LBHD1: variants seen among roughly 807,000 people sequenced by gnomAD.
LBHD1 encodes the protein LBH domain containing 1.
LBHD1 carries 28 observed loss-of-function variants against 31.1 expected under a neutral mutation model. That is an observed-to-expected ratio of 0.90 (90% CI 0.67 to 1.24). LBHD1 has a LOEUF of 1.24. Ranked by LOEUF, LBHD1 falls within the 50% of genes most tolerant of loss-of-function variation. The pLI is 0.00. For synonymous variants in LBHD1, 105 were observed against 116.5 expected (o/e 0.90, Z 0.63); for missense variants, 350 against 323.0 (o/e 1.08, Z -0.64).
chr11:62,665,534 C>A, intron 4 of LBHD1: 2 of 1,569,748 alleles, frequency 1.3e-6, no homozygotes, highest in Non-Finnish European at 1.7e-6. Flanking sequence ...TGGCGGCTTC[C>A]CATCCGCTGG....
At chr11:62,665,916 C>T in intron 4 of LBHD1, 3 of 1,613,252 alleles carry the variant, frequency 1.9e-6, no homozygotes, top group Non-Finnish European at 2.5e-6. Flanking sequence ...CTTGCCGAGC[C>T]TGATGATGGG....
intron 3 of LBHD1, 24 bp downstream of exon 3, chr11:62,669,617 C>G (rs772905672): frequency 1.2e-6 from 2 of 1,600,596 alleles, no homozygotes; most frequent in African/African-American, 2.7e-5. Context: ...CACAGTGGCC[C>G]CCTGAATGAG....
chr11:62,671,735 T>C lies in LBHD1; in HGVS notation c.-182A>G. ...GCTCCCGTGGGCGCTCCGCTGGCTGTGCAGGCGGCCATGGATTCCTTGCGG... is the reference window on the plus strand; with the variant it reads ...GCTCCCGTGGGCGCTCCGCTGGCTGCGCAGGCGGCCATGGATTCCTTGCGG... On this transcript the variant is annotated 5_prime_UTR_variant, in exon 1 of 7. Coordinates refer to ENST00000354588, the MANE Select transcript of LBHD1 (RefSeq NM_024099.5). The C allele has an allele frequency of 6.2e-7, 1 of 1,612,896 alleles. No individual in the cohort carries two copies. Among genetic ancestry groups the C allele is most frequent in the Non-Finnish European group, 8.5e-7 (1 of 1,179,554 alleles).
chr11:62,666,001 T>C (rs546733362), intron 4 of LBHD1: 3 of 1,556,678 alleles, frequency 1.9e-6, no homozygotes, highest in Admixed American at 3.4e-5. Flanking sequence ...GTGGGGAGGG[T>C]AAGGTGGGTT....
intron 5 of LBHD1, 52 bp from the exon 6 acceptor site, chr11:62,663,385 G>A (rs1346414248): frequency 1.3e-6 from 2 of 1,559,698 alleles, no homozygotes; most frequent in Non-Finnish European, 1.8e-6. Flanking sequence ...ACCAACTGAG[G>A]TCACACAAAT....
At chr11:62,666,575 G>T in intron 4 of LBHD1, 2 of 1,614,174 alleles carry the variant, frequency 1.2e-6, no homozygotes, top group Non-Finnish European at 1.7e-6. Context: ...GCTGGATGTG[G>T]GCTGTGGGAC....
Position 62,665,834 on chromosome 11 carries a change from G to A in LBHD1, c.539-861C>T, listed in dbSNP as rs576853975. The A allele has an allele frequency of 1.2e-5, 20 of 1,603,092 alleles. No homozygotes were observed. The South Asian group carries it at 1.8e-4, about 14-fold the overall frequency. Reference sequence around the variant, plus strand: ...AGGCCTCTCCGGCTGGAGTAGGGTGGACGCTTCACATAAGCTTCTCTGGTC... The same window carrying A: ...AGGCCTCTCCGGCTGGAGTAGGGTGAACGCTTCACATAAGCTTCTCTGGTC... On this transcript the variant is annotated intron_variant, in intron 4 of 6. Transcript: ENST00000354588.
In LBHD1 at chr11:62,670,953, G is replaced by A. The variant is rs182195089; in HGVS notation, c.-11+611C>T. 1.3e-4 allele frequency: 25 copies of A among 193,852 alleles called. No individual in the cohort carries two copies. In the East Asian group the frequency reaches 3.4e-3, roughly 26 times the overall value. 12.0% of individuals were successfully genotyped at this position (193,852 alleles called of 1,614,324 possible). On this transcript the variant is annotated intron_variant, in intron 1 of 6. Transcript: ENST00000354588. ...CGAAGCAAAACAAAAAGCAATACCA[G>A]CCGGGCGTGGTGGTGCACGCCTGTA... is the stretch of plus-strand genomic sequence containing the variant.
chr11:62,672,006 G>A lies in LBHD1; in HGVS notation c.-453C>T. 1 of 1,613,736 alleles carries A rather than the reference G, an allele frequency of 6.2e-7. No individual in the cohort carries two copies. The highest frequency in any genetic ancestry group is 8.5e-7 in the Non-Finnish European group (1 of 1,179,920). On this transcript the variant is annotated 5_prime_UTR_variant, in exon 1 of 7. Coordinates refer to ENST00000354588, the MANE Select transcript of LBHD1 (RefSeq NM_024099.5). ...GGGAGGAGGCGGCCAGGACCCAGCA[G>A]CTATTGCTGGCCACTCTGCAGGAGG... is the stretch of plus-strand genomic sequence containing the variant.
intron 4 of LBHD1, chr11:62,666,427 CTG>C: frequency 1.9e-6 from 3 of 1,612,236 alleles, no homozygotes; most frequent in Non-Finnish European, 2.5e-6. Flanking sequence ...TGGCGGACCG[CTG>C]TCTCTGGGAT....
chr11:62,667,659 A>AT lies in LBHD1; in HGVS notation c.401dup (p.Asp134GlufsTer7). 6.2e-7 allele frequency: 1 copy of AT among 1,614,186 alleles called. No individual in the cohort carries two copies. Among genetic ancestry groups the AT allele is most frequent in the Non-Finnish European group, 8.5e-7 (1 of 1,180,034 alleles). ...CTGTGTCCTCAAGAATCCAACAAGCATCTTCTTCATCCTGGTCCTGCCCCC... is the reference window on the plus strand; with the variant it reads ...CTGTGTCCTCAAGAATCCAACAAGCATTCTTCTTCATCCTGGTCCTGCCCCC... On this transcript the variant is annotated frameshift_variant, in exon 4 of 7. Coordinates refer to ENST00000354588, the MANE Select transcript of LBHD1 (RefSeq NM_024099.5). LOFTEE classifies it high-confidence loss of function.
chr11:62,665,777 A>C (rs1316431802), intron 4 of LBHD1: 9 of 1,537,012 alleles, frequency 5.9e-6, no homozygotes, highest in Non-Finnish European at 7.9e-6. Context: ...GCCTTTCGCT[A>C]CGCGGAATTT....
At chr11:62,664,673 G>A (rs1944745613) in intron 5 of LBHD1, among the ~76,000 whole-genome samples, 176 bp downstream of exon 5, 2 of 152,142 alleles carry the variant, frequency 1.3e-5, no homozygotes, top group Non-Finnish European at 1.5e-5. Context: ...AAGAAAGGTT[G>A]TCTGCTACAG....
chr11:62,666,509 C>T lies in LBHD1; in HGVS notation c.538+1014G>A, dbSNP rs372150390. 1,669 of 1,614,122 alleles carry T rather than the reference C, an allele frequency of 1.0e-3. 32 individuals are homozygous for T. The South Asian group carries it at 0.017, about 16-fold the overall frequency. On this transcript the variant is annotated intron_variant, in intron 4 of 6. Transcript: ENST00000354588. ...CTGGTTCTTTGGATACGACGAAGTCCAGGGGCTCCTACTGCCATTGCTGCA... is the reference window on the plus strand; with the variant it reads ...CTGGTTCTTTGGATACGACGAAGTCTAGGGGCTCCTACTGCCATTGCTGCA...
rs111399855 is a variant in LBHD1, at chr11:62,666,261, C to G, written c.538+1262G>C. The G allele has an allele frequency of 3.5e-3, 3,194 of 900,066 alleles. 64 individuals are homozygous for G. The African/African-American group carries it at 0.047, about 13-fold the overall frequency. 55.8% of individuals were successfully genotyped at this position (900,066 alleles called of 1,614,324 possible). The stretch of plus-strand genomic sequence containing the variant: ...TGAGGTGGAGGCTTCAGTGAGCCAT[C>G]ATTGTGCTACTGTACTCAACCCTGG... On this transcript the variant is annotated intron_variant, in intron 4 of 6. Coordinates refer to ENST00000354588, the MANE Select transcript of LBHD1 (RefSeq NM_024099.5).
At chr11:62,665,545 T>C (rs753359623) in intron 4 of LBHD1, 42 of 1,568,638 alleles carry the variant, frequency 2.7e-5, no homozygotes, top group Admixed American at 3.4e-5. Flanking sequence ...CATCCGCTGG[T>C]TCTATCCTCA....
chr11:62,664,599 G>A (rs955843834), intron 5 of LBHD1, among the ~76,000 whole-genome samples: 2 of 152,222 alleles, frequency 1.3e-5, no homozygotes, highest in East Asian at 3.9e-4. Flanking sequence ...CCAAAGTGCT[G>A]GGATTACAGG....
Position 62,671,715 on chromosome 11 carries a change from C to A in LBHD1, c.-162G>T, listed in dbSNP as rs1226326666. On this transcript the variant is annotated 5_prime_UTR_variant, in exon 1 of 7. Coordinates refer to ENST00000354588, the MANE Select transcript of LBHD1 (RefSeq NM_024099.5). Reference sequence around the variant, plus strand: ...ACAGCTTGCGGCTGCGGGGAGCTCCCGTGGGCGCTCCGCTGGCTGTGCAGG... The same window carrying A: ...ACAGCTTGCGGCTGCGGGGAGCTCCAGTGGGCGCTCCGCTGGCTGTGCAGG... 1.2e-6 allele frequency: 2 copies of A among 1,610,482 alleles called. No homozygotes were observed. Among genetic ancestry groups the A allele is most frequent in the African/African-American group, 2.7e-5 (2 of 74,890 alleles).
intron 4 of LBHD1, chr11:62,665,556 A>G (rs781360271): frequency 4.3e-5 from 68 of 1,564,654 alleles, no homozygotes; most frequent in Non-Finnish European, 5.2e-5. Flanking sequence ...TCTATCCTCA[A>G]ACGCCGGGAC....
Sources: gnomAD v4.1 joint callset for allele counts (sites outside exome capture counted in the v4.1 genomes callset) on GRCh38, gnomAD v4.1.1 for gene constraint, MANE v1.5 for transcripts, NCBI Gene and HGNC (gene_info 2026-07-23, HGNC 2026-07-21) for gene names.